EHD3: variants seen among roughly 807,000 people sequenced by gnomAD.
The protein encoded by EHD3 is EH domain-containing protein 3.
Under a neutral mutation model 43.0 loss-of-function variants are expected in EHD3, and 17 were observed. That is an observed-to-expected ratio of 0.40 (90% CI 0.27 to 0.59). EHD3 has a LOEUF of 0.59. EHD3 is among the 20% of genes least tolerant of loss of function. EHD3 has a pLI of 0.49. For synonymous variants in EHD3, 313 were observed against 289.5 expected, an observed-to-expected ratio of 1.08 and a Z score of -0.82; for missense variants, 594 against 705.6, an observed-to-expected ratio of 0.84 and a Z score of 1.79.
Position 31,260,865 on chromosome 2 carries a change from C to G in EHD3, c.858C>G (p.Pro286=). Residue 286 remains proline (P), a synonymous_variant, in exon 4 of 6, where the codon CCC becomes CCG. Coordinates refer to ENST00000322054, the MANE Select transcript of EHD3 (RefSeq NM_014600.3). The surrounding 1 kb of genome is among the most constrained non-coding windows in gnomAD (Gnocchi z 4.6). ...TATTCAGGGACATCCAGAGTCTGCC[C>G]CGAAATGCTGCCCTGCGCAAGCTCA... The part of the protein sequence containing the change: ...QDLFRDIQSL[P]RNAALRKLND... The G allele has an allele frequency of 6.2e-7, 1 of 1,614,058 alleles. No homozygotes were observed. The highest frequency in any genetic ancestry group is 8.5e-7 in the Non-Finnish European group (1 of 1,179,976).
intron 1 of EHD3, among the ~76,000 whole-genome samples, chr2:31,237,629 T>C (rs1161443052): frequency 6.6e-6 from 1 of 152,226 alleles, no homozygotes; most frequent in Admixed American, 6.5e-5. Context: ...GGTCTTGAAC[T>C]CCTGACCTCA....
intron 1 of EHD3, among the ~76,000 whole-genome samples, chr2:31,236,684 T>C (rs1683329970): frequency 6.6e-6 from 1 of 152,242 alleles, no homozygotes; most frequent in South Asian, 2.1e-4. Flanking sequence ...ATACATTATC[T>C]GTAGCTTCTC....
At chr2:31,262,176 C>G (rs905663399) in intron 5 of EHD3, among the ~76,000 whole-genome samples, 5 of 152,160 alleles carry the variant, frequency 3.3e-5, no homozygotes, top group African/African-American at 4.8e-5. Context: ...ATCTTTGGGT[C>G]CTATTGCAGG....
chr2:31,265,040 C>T (rs542519648), intron 5 of EHD3, among the ~76,000 whole-genome samples: 3 of 152,170 alleles, frequency 2.0e-5, no homozygotes, highest in Admixed American at 6.5e-5. Flanking sequence ...TCATCAGTTT[C>T]GCTGTCTTCA....
intron 1 of EHD3, among the ~76,000 whole-genome samples, chr2:31,237,432 TCTCA>T (rs1185187766): frequency 2.0e-5 from 3 of 152,038 alleles, no homozygotes; most frequent in Non-Finnish European, 4.4e-5. Flanking sequence ...TGAGATGGAG[TCTCA>T]CTGTGTCACC....
chr2:31,243,528 C>G lies in EHD3; in HGVS notation c.228-746C>G, dbSNP rs537958016. Among the ~76,000 whole-genome samples, 910 of 136,952 alleles carry G rather than the reference C, an allele frequency of 6.6e-3. 11 individuals carry two copies. The highest frequency in any genetic ancestry group is 0.024 in the African/African-American group (878 of 36,494). 89.8% of individuals were successfully genotyped at this position (136,952 alleles called of 152,430 possible). A position where few individuals can be genotyped will look rare whatever the true frequency, so the allele number is the denominator to read the frequency against. On this transcript the variant is annotated intron_variant, in intron 1 of 5. Coordinates refer to ENST00000322054, the MANE Select transcript of EHD3 (RefSeq NM_014600.3). ...CTGTAGTGCAATGGTGTGATCTTGG[C>G]TCACTGCGACCTCTGCCTCCCGGGT...
At chr2:31,257,886 G>T (rs767912129) in intron 3 of EHD3, among the ~76,000 whole-genome samples, 1 of 152,098 alleles carries the variant, frequency 6.6e-6, no homozygotes, top group African/African-American at 2.4e-5. Context: ...GTTCACACCA[G>T]GCCCTCGATG....
At chr2:31,250,259 CGTT>C (rs1572466763) in intron 3 of EHD3, among the ~76,000 whole-genome samples, 1 of 141,270 alleles carries the variant, frequency 7.1e-6, no homozygotes. Flanking sequence ...TCATCATCAT[CGTT>C]GTTTTCTTTT....
At chr2:31,262,523 G>C (rs1683874588) in intron 5 of EHD3, among the ~76,000 whole-genome samples, 1 of 152,220 alleles carries the variant, frequency 6.6e-6, no homozygotes, top group African/African-American at 2.4e-5. Flanking sequence ...TATGCCCTTA[G>C]TACACAGTAG....
At chr2:31,256,470 A>AC (rs1337750613) in intron 3 of EHD3, among the ~76,000 whole-genome samples, 3 of 152,198 alleles carry the variant, frequency 2.0e-5, no homozygotes, top group Admixed American at 2.0e-4. Flanking sequence ...CTGATAGTGC[A>AC]CCTGCTGTGT....
At chr2:31,238,398 A>G (rs1309467263) in intron 1 of EHD3, among the ~76,000 whole-genome samples, 1 of 152,258 alleles carries the variant, frequency 6.6e-6, no homozygotes, top group Non-Finnish European at 1.5e-5. Flanking sequence ...TGTGCTTGCC[A>G]CAGCGTCTAT....
intron 1 of EHD3, among the ~76,000 whole-genome samples, chr2:31,235,449 CT>C (rs200175272): frequency 2.0e-4 from 30 of 151,364 alleles, no homozygotes; most frequent in South Asian, 1.0e-3. Flanking sequence ...AAGCAGAATG[CT>C]TTTTTTTTCC....
rs559417257 is a variant in EHD3 at position 31,266,120 on chromosome 2, A to G, written c.1081-57A>G. On this transcript the variant is annotated intron_variant, in intron 5 of 5. Transcript: ENST00000322054. This position sits in a 1 kb window ranked among gnomAD's most constrained non-coding sequence, Gnocchi z 5.1. ...GGTGCTCATAGGAGGCACGTGATAAATGGAGGGCTCTCCTTTCATCGTATC... is the reference window on the plus strand; with the variant it reads ...GGTGCTCATAGGAGGCACGTGATAAGTGGAGGGCTCTCCTTTCATCGTATC... 1.1e-5 allele frequency: 17 copies of G among 1,544,020 alleles called. No individual in the cohort carries two copies. The East Asian group carries it at 3.6e-4, about 33-fold the overall frequency.
Position 31,257,736 on chromosome 2 carries a change from C to A in EHD3, c.503-2774C>A, listed in dbSNP as rs72861142. On this transcript the variant is annotated intron_variant, in intron 3 of 5. Transcript: ENST00000322054. ...TGGTATTGGCTGAGTCACTTAACTCCTAGAGTTTGCGTGAACATCTCCGAG... is the reference window on the plus strand; with the variant it reads ...TGGTATTGGCTGAGTCACTTAACTCATAGAGTTTGCGTGAACATCTCCGAG... Among the ~76,000 whole-genome samples the A allele has an allele frequency of 5.0e-3, 757 of 152,280 alleles. 8 individuals carry two copies. The highest frequency in any genetic ancestry group is 0.028 in the South Asian group (136 of 4,820).
chr2:31,242,987 T>A (rs1354815180), intron 1 of EHD3, among the ~76,000 whole-genome samples: 1 of 150,722 alleles, frequency 6.6e-6, no homozygotes, highest in Non-Finnish European at 1.5e-5. Context: ...AATAAATAAA[T>A]AAAATCAGGT....
chr2:31,239,671 C>T (rs1683381081), intron 1 of EHD3, among the ~76,000 whole-genome samples: 1 of 152,212 alleles, frequency 6.6e-6, no homozygotes, highest in Non-Finnish European at 1.5e-5. Flanking sequence ...GGTCAGGCCA[C>T]CTCCCCTTTC....
At chr2:31,237,743 A>G (rs1054085912) in intron 1 of EHD3, among the ~76,000 whole-genome samples, 46 of 152,234 alleles carry the variant, frequency 3.0e-4, no homozygotes, top group Admixed American at 2.9e-3. Context: ...TTCCTATGTT[A>G]TAAGCGTTAT....
intron 3 of EHD3, among the ~76,000 whole-genome samples, chr2:31,251,792 T>C (rs1297725140): frequency 2.6e-5 from 4 of 152,152 alleles, no homozygotes; most frequent in Admixed American, 6.5e-5. Flanking sequence ...TTAAGGGCCC[T>C]GTGGAGGGAC....
chr2:31,260,344 A>T lies in EHD3; in HGVS notation c.503-166A>T, dbSNP rs1245061291. On this transcript the variant is annotated intron_variant, in intron 3 of 5. Coordinates refer to ENST00000322054, the MANE Select transcript of EHD3 (RefSeq NM_014600.3). This position sits in a 1 kb window ranked among gnomAD's most constrained non-coding sequence, Gnocchi z 4.6. ...TTAGACGAAAAAAATTCTATGAGACATTGAGTAATTTGCTGGAGTCCAAAC... is the reference window on the plus strand; with the variant it reads ...TTAGACGAAAAAAATTCTATGAGACTTTGAGTAATTTGCTGGAGTCCAAAC... 6.6e-6 allele frequency among the ~76,000 whole-genome samples: 1 copy of T among 152,238 alleles called. No homozygotes were observed. The highest frequency in any genetic ancestry group is 2.4e-5 in the African/African-American group (1 of 41,468).
Sources: gnomAD v4.1 joint callset for allele counts (sites outside exome capture counted in the v4.1 genomes callset) on GRCh38, gnomAD v4.1.1 for gene constraint, Gnocchi (gnomAD v3.1) non-coding constraint, MANE v1.5 for transcripts, NCBI Gene and HGNC (gene_info 2026-07-23, HGNC 2026-07-21) for gene names.